Variants in KCTD16 observed in about 807,000 individuals in gnomAD.
The protein encoded by KCTD16 is BTB/POZ domain-containing protein KCTD16.
Under a neutral mutation model 33.2 loss-of-function variants are expected in KCTD16, and 13 were observed. The ratio of observed to expected loss-of-function variants is 0.39; its 90% CI spans 0.25 to 0.62. The LOEUF (loss-of-function observed/expected upper bound fraction) is 0.62, where lower values mean the gene tolerates loss of function less well. KCTD16 is among the 20% of genes least tolerant of loss of function. The pLI is 0.50. For missense variants in KCTD16, 441 were observed against 525.1 expected (o/e 0.84, Z 1.57); for synonymous variants, 197 against 195.3 (o/e 1.01, Z -0.07).
chr5:144,456,233 G>A (rs1754059321), intron 3 of KCTD16, among the ~76,000 whole-genome samples: 1 of 151,742 alleles, frequency 6.6e-6, no homozygotes, highest in Non-Finnish European at 1.5e-5. Flanking sequence ...AATTTTGCTG[G>A]AATTTTGTAC....
In KCTD16 at chr5:144,393,110, AG is replaced by A. The variant is rs571871064; in HGVS notation, c.833-80549del. ...GATAGTATAATTTTTAACCATTTAT[AG>A]CCCTTTTTATAGCACTTAGCACTTC... On this transcript the variant is annotated intron_variant, in intron 3 of 3. Coordinates refer to ENST00000512467, the MANE Select transcript of KCTD16 (RefSeq NM_020768.4). 2.0e-5 allele frequency among the ~76,000 whole-genome samples: 3 copies of A among 152,362 alleles called. No individual in the cohort carries two copies. The South Asian group carries it at 6.2e-4, about 32-fold the overall frequency.
intron 3 of KCTD16, among the ~76,000 whole-genome samples, chr5:144,372,669 C>T (rs1357214572): frequency 6.6e-6 from 1 of 152,128 alleles, no homozygotes; most frequent in African/African-American, 2.4e-5. Context: ...GTGGACATGC[C>T]AGGCAGAGAA....
At chr5:144,432,595 C>T (rs1396587940) in intron 3 of KCTD16, among the ~76,000 whole-genome samples, 1 of 152,016 alleles carries the variant, frequency 6.6e-6, no homozygotes. Flanking sequence ...TATATTGGAT[C>T]AGATTCATAT....
At chr5:144,193,598 T>C (rs1752886241) in intron 2 of KCTD16, among the ~76,000 whole-genome samples, 1 of 152,144 alleles carries the variant, frequency 6.6e-6, no homozygotes, top group Non-Finnish European at 1.5e-5. Context: ...CATTTATTTG[T>C]TTATTTGTTT....
At chr5:144,437,362 G>A (rs1439157252) in intron 3 of KCTD16, among the ~76,000 whole-genome samples, 4 of 152,256 alleles carry the variant, frequency 2.6e-5, no homozygotes, top group African/African-American at 9.6e-5. Flanking sequence ...CAGCAGTAAT[G>A]GATGGGTTAA....
chr5:144,357,254 G>T (rs1392386084), intron 3 of KCTD16, among the ~76,000 whole-genome samples: 1 of 152,178 alleles, frequency 6.6e-6, no homozygotes, highest in Non-Finnish European at 1.5e-5. Context: ...GAGTTAAAAA[G>T]GGAGGAAATC....
intron 3 of KCTD16, among the ~76,000 whole-genome samples, chr5:144,342,426 G>A (rs1258679582): frequency 6.6e-6 from 1 of 152,130 alleles, no homozygotes; most frequent in Non-Finnish European, 1.5e-5. Context: ...CATTGATTTT[G>A]TATCCTGAGA....
intron 3 of KCTD16, among the ~76,000 whole-genome samples, chr5:144,381,693 T>G (rs958342508): frequency 6.6e-6 from 1 of 152,126 alleles, no homozygotes; most frequent in Non-Finnish European, 1.5e-5. Flanking sequence ...CCCAAGCCAT[T>G]CATAAGAGAT....
chr5:144,292,436 C>A (rs1755920154), intron 3 of KCTD16, among the ~76,000 whole-genome samples: 1 of 152,038 alleles, frequency 6.6e-6, no homozygotes, highest in African/African-American at 2.4e-5. Context: ...ATGAGGAGGC[C>A]AGGTCAAAGG....
At chr5:144,210,332 T>C (rs1169345265) in intron 3 of KCTD16, among the ~76,000 whole-genome samples, 1 of 152,162 alleles carries the variant, frequency 6.6e-6, no homozygotes, top group Non-Finnish European at 1.5e-5. Context: ...TGTGTTTGTC[T>C]ACATCACTCA....
intron 3 of KCTD16, among the ~76,000 whole-genome samples, chr5:144,284,910 G>A (rs959519929): frequency 6.6e-6 from 1 of 152,088 alleles, no homozygotes; most frequent in Non-Finnish European, 1.5e-5. Context: ...CAGAGTCGAG[G>A]GTCACAGCCA....
chr5:144,261,167 C>CAAAAAAAAAAAAAAAAAAA (rs1299878040), intron 3 of KCTD16, among the ~76,000 whole-genome samples: 11 of 77,978 alleles, frequency 1.4e-4, no homozygotes, highest in Admixed American at 2.9e-4. Context: ...GGAACAACAA[C>CAAAAAAAAAAAAAAAAAAA]AAAAAAAAAA....
rs1004512122 is a variant in KCTD16, at chr5:144,480,538, C to T, written c.*6424C>T. On this transcript the variant is annotated 3_prime_UTR_variant, in exon 4 of 4. Transcript: ENST00000512467. ...CCAGTGATCAGTGGTTTATCTATAC[C>T]CTTTAGGTGAGAGACAGAGAGAAAC... 6.6e-6 allele frequency: 1 copy of T among 151,766 alleles called. No individual in the cohort carries two copies. The highest frequency in any genetic ancestry group is 2.1e-4 in the South Asian group (1 of 4,796). 9.4% of individuals were successfully genotyped at this position (151,766 alleles called of 1,614,324 possible).
chr5:144,299,430 A>C (rs1293246476), intron 3 of KCTD16, among the ~76,000 whole-genome samples: 1 of 151,198 alleles, frequency 6.6e-6, no homozygotes, highest in Non-Finnish European at 1.5e-5. Context: ...TCTTAAACAT[A>C]CTCTCTATTT....
intron 3 of KCTD16, among the ~76,000 whole-genome samples, chr5:144,276,055 A>G (rs1232346528): frequency 6.6e-6 from 1 of 152,218 alleles, no homozygotes; most frequent in Non-Finnish European, 1.5e-5. Context: ...ACTTTTGTTT[A>G]AAAAGTAATT....
At chr5:144,379,635 T>C (rs1752166514) in intron 3 of KCTD16, among the ~76,000 whole-genome samples, 1 of 152,172 alleles carries the variant, frequency 6.6e-6, no homozygotes, top group African/African-American at 2.4e-5. Context: ...GGTTTCTTTG[T>C]ATGGGTATGA....
chr5:144,404,008 C>T (rs1048875840), intron 3 of KCTD16, among the ~76,000 whole-genome samples: 7 of 152,174 alleles, frequency 4.6e-5, no homozygotes, highest in African/African-American at 1.7e-4. Flanking sequence ...TGCGCATCCC[C>T]CCAGGCCCTT....
chr5:144,327,362 C>A (rs1337448136), intron 3 of KCTD16, among the ~76,000 whole-genome samples: 1 of 151,986 alleles, frequency 6.6e-6, no homozygotes, highest in Admixed American at 6.6e-5. Context: ...CTGATTGCTC[C>A]TCCAAGTCTA....
intron 3 of KCTD16, among the ~76,000 whole-genome samples, chr5:144,451,997 T>C (rs1213322675): frequency 2.6e-5 from 4 of 152,012 alleles, no homozygotes; most frequent in Non-Finnish European, 5.9e-5. Flanking sequence ...TTAATTTATC[T>C]AGTTCTGTTC....
Sources: gnomAD v4.1 joint callset for allele counts (sites outside exome capture counted in the v4.1 genomes callset) on GRCh38, gnomAD v4.1.1 for gene constraint, MANE v1.5 for transcripts, NCBI Gene and HGNC (gene_info 2026-07-23, HGNC 2026-07-21) for gene names.